The following TMIGD3 variants were observed in gnomAD, a reference collection of about 807,000 sequenced individuals.
TMIGD3 encodes the protein AD026 protein (AD026).
A neutral mutation model predicts 28.1 loss-of-function variants in TMIGD3; 21 were observed. The ratio of observed to expected loss-of-function variants is 0.75; its 90% confidence interval spans 0.53 to 1.08. The LOEUF is 1.08. Among genes scored for constraint, TMIGD3 ranks in the 50% least tolerant of loss-of-function variants. The pLI is 0.00. For missense variants in TMIGD3, 416 were observed against 435.6 expected, an observed-to-expected ratio of 0.96 and a Z score of 0.40; for synonymous variants, 151 against 162.1, an observed-to-expected ratio of 0.93 and a Z score of 0.52.
chr1:111,545,891 G>A (rs6702088), intron 1 of TMIGD3, among the ~76,000 whole-genome samples: 3,657 of 152,094 alleles, frequency 0.024, 112 homozygotes, highest in East Asian at 0.091. Context: ...CTTTCTCCCC[G>A]GAACAGTCTT....
At chr1:111,561,058 C>A (rs550285413) in intron 1 of TMIGD3, among the ~76,000 whole-genome samples, 1 of 152,272 alleles carries the variant, frequency 6.6e-6, no homozygotes, top group South Asian at 2.1e-4. Context: ...GAGGACCATA[C>A]CCTGAAGAAG....
At chr1:111,543,277 AAT>A (rs143470844) in intron 1 of TMIGD3, among the ~76,000 whole-genome samples, 1 of 151,554 alleles carries the variant, frequency 6.6e-6, no homozygotes, top group Admixed American at 6.6e-5. Context: ...GTGTTGTATA[AAT>A]ATATATATAT....
chr1:111,536,219 T>G (rs1280192349), intron 1 of TMIGD3, among the ~76,000 whole-genome samples: 5 of 147,710 alleles, frequency 3.4e-5, no homozygotes, highest in Non-Finnish European at 7.4e-5. Context: ...AGAGTTGGGG[T>G]TTATTTTTTA....
At chr1:111,529,857 A>G (rs1237970010) in intron 1 of TMIGD3, among the ~76,000 whole-genome samples, 7 of 151,824 alleles carry the variant, frequency 4.6e-5, no homozygotes, top group African/African-American at 1.7e-4. Context: ...CATTGTCATC[A>G]TGGCCCGTTC....
upstream of TMIGD3, among the ~76,000 whole-genome samples, chr1:111,508,032 A>T (rs1655570557): frequency 6.6e-6 from 1 of 152,218 alleles, no homozygotes; most frequent in Non-Finnish European, 1.5e-5. Flanking sequence ...CAAGACTCAC[A>T]GGCTGTAGTC....
At chr1:111,491,816 T>G (rs1654680133) in intron 1 of TMIGD3, among the ~76,000 whole-genome samples, 1 of 152,198 alleles carries the variant, frequency 6.6e-6, no homozygotes, top group African/African-American at 2.4e-5. Context: ...AGCAAACAAT[T>G]TAGAATATAT....
At chr1:111,518,586 CAG>C (rs1227642120) in intron 1 of TMIGD3, among the ~76,000 whole-genome samples, 2 of 152,202 alleles carry the variant, frequency 1.3e-5, no homozygotes, top group Non-Finnish European at 2.9e-5. Context: ...GCCTAAAGTT[CAG>C]AGAGGCTAAG....
chr1:111,534,519 C>T (rs1010919238), intron 1 of TMIGD3, among the ~76,000 whole-genome samples: 41 of 152,272 alleles, frequency 2.7e-4, no homozygotes, highest in Admixed American at 4.6e-4. Context: ...TCGGTGTTTA[C>T]GGTTGCTGTT....
intron 5 of TMIGD3, among the ~76,000 whole-genome samples, chr1:111,484,477 G>A (rs1654265293): frequency 6.6e-6 from 1 of 152,226 alleles, no homozygotes; most frequent in South Asian, 2.1e-4. Flanking sequence ...ATTGTGTCCA[G>A]AAGGGCTGGT....
chr1:111,536,649 C>G (rs779856164), intron 1 of TMIGD3, among the ~76,000 whole-genome samples: 24 of 151,984 alleles, frequency 1.6e-4, no homozygotes, highest in Non-Finnish European at 2.9e-4. Context: ...TTTTTTTTGT[C>G]ATTTATGTTC....
At chr1:111,494,440 C>T (rs1371461350) in intron 1 of TMIGD3, among the ~76,000 whole-genome samples, 1 of 152,194 alleles carries the variant, frequency 6.6e-6, no homozygotes, top group Non-Finnish European at 1.5e-5. Flanking sequence ...AGAGCCAAAT[C>T]AGGAATGCAA....
intron 1 of TMIGD3, among the ~76,000 whole-genome samples, chr1:111,519,377 G>A (rs1655977783): frequency 6.6e-6 from 1 of 152,162 alleles, no homozygotes; most frequent in Non-Finnish European, 1.5e-5. Flanking sequence ...GCAGCACTTT[G>A]TGTTTCTTAT....
At chr1:111,489,049 AC>A in intron 2 of TMIGD3, 25 bp from the exon 3 acceptor site, 1 of 1,529,822 alleles carries the variant, frequency 6.5e-7, no homozygotes, top group Non-Finnish European at 9.0e-7. Flanking sequence ...ACACACACGC[AC>A]ACGTGCACAC....
intron 5 of TMIGD3, among the ~76,000 whole-genome samples, chr1:111,485,094 G>A (rs1049984589): frequency 2.6e-5 from 4 of 152,220 alleles, no homozygotes; most frequent in Non-Finnish European, 5.9e-5. Context: ...TCAGGCTTGA[G>A]GCAGGAGAAT....
At chr1:111,544,101 A>G (rs1401113552) in intron 1 of TMIGD3, among the ~76,000 whole-genome samples, 1 of 152,212 alleles carries the variant, frequency 6.6e-6, no homozygotes, top group African/African-American at 2.4e-5. Context: ...CATTTGTCCT[A>G]AAATAGCAGG....
intron 1 of TMIGD3, among the ~76,000 whole-genome samples, chr1:111,551,527 G>C (rs924280851): frequency 6.6e-6 from 1 of 152,064 alleles, no homozygotes; most frequent in African/African-American, 2.4e-5. Flanking sequence ...ATATAGTTCA[G>C]TTTCTTGCTT....
intron 1 of TMIGD3, among the ~76,000 whole-genome samples, chr1:111,524,179 G>A (rs908254631): frequency 1.5e-4 from 23 of 151,384 alleles, no homozygotes; most frequent in Admixed American, 9.8e-4. Context: ...ACAGGCGCCC[G>A]CCACTATGCC....
intron 1 of TMIGD3, among the ~76,000 whole-genome samples, chr1:111,496,630 C>T (rs1057503669): frequency 1.3e-5 from 2 of 152,180 alleles, no homozygotes; most frequent in African/African-American, 4.8e-5. Flanking sequence ...CCTCTCTCAC[C>T]TCCTTTGGTG....
intron 1 of TMIGD3, among the ~76,000 whole-genome samples, chr1:111,556,234 A>G (rs1232419488): frequency 6.6e-6 from 1 of 152,228 alleles, no homozygotes; most frequent in African/African-American, 2.4e-5. Flanking sequence ...CTTTACACTT[A>G]TAAGTATGGC....
Sources: gnomAD v4.1 joint callset for allele counts (sites outside exome capture counted in the v4.1 genomes callset) on GRCh38, gnomAD v4.1.1 for gene constraint, MANE v1.5 for transcripts, NCBI Gene and HGNC (gene_info 2026-07-23, HGNC 2026-07-21) for gene names.